Variants in STK10 observed in about 807,000 individuals in gnomAD.
STK10 encodes the protein serine/threonine kinase 10.
A neutral mutation model predicts 113.8 loss-of-function variants in STK10; 78 were observed. The observed-to-expected ratio is 0.69, with a 90% CI of 0.57 to 0.83. The LOEUF is 0.83. Among genes scored for constraint, STK10 ranks in the 40% least tolerant of loss-of-function variants. The pLI, the probability that STK10 is intolerant of heterozygous loss-of-function variation, is 0.00. For synonymous variants in STK10, 465 were observed against 494.7 expected (o/e 0.94, Z 0.80); for missense variants, 1,109 against 1,280.1 (o/e 0.87, Z 2.04).
chr5:172,091,679 C>T (rs1172695430), intron 9 of STK10, among the ~76,000 whole-genome samples: 1 of 152,044 alleles, frequency 6.6e-6, no homozygotes, highest in Admixed American at 6.5e-5. Flanking sequence ...TACAGGCATG[C>T]GCCACCACGC....
At chr5:172,098,171 C>T (rs541412158) in intron 7 of STK10, among the ~76,000 whole-genome samples, 1 of 152,280 alleles carries the variant, frequency 6.6e-6, no homozygotes, top group South Asian at 2.1e-4. Flanking sequence ...ATTTCTAGCA[C>T]CTGGAAAACA....
At chr5:172,095,153 T>C (rs1434931893) in intron 8 of STK10, among the ~76,000 whole-genome samples, 1 of 152,244 alleles carries the variant, frequency 6.6e-6, no homozygotes, top group Non-Finnish European at 1.5e-5. Flanking sequence ...AATGGATTTA[T>C]ACTATAAGTA....
At chr5:172,178,688 G>A (rs143311168) in intron 1 of STK10, among the ~76,000 whole-genome samples, 127 of 152,330 alleles carry the variant, frequency 8.3e-4, no homozygotes, top group African/African-American at 2.8e-3. Flanking sequence ...TGGCACAGCC[G>A]GGATGCAAAC....
At chr5:172,182,734 C>A (rs9313583) in intron 1 of STK10, among the ~76,000 whole-genome samples, 38,746 of 151,354 alleles carry the variant, frequency 0.26, 7,211 homozygotes, top group African/African-American at 0.53. Context: ...TTGTATTTTC[C>A]GTAGAGACGG....
At chr5:172,109,521 T>G (rs994264768) in intron 4 of STK10, among the ~76,000 whole-genome samples, 3 of 152,020 alleles carry the variant, frequency 2.0e-5, no homozygotes, top group Non-Finnish European at 4.4e-5. Flanking sequence ...TTGCCCAGGC[T>G]GGTCTTGAAC....
At chr5:172,064,623 G>A in intron 13 of STK10, 97 bp downstream of exon 13, 2 of 1,285,062 alleles carry the variant, frequency 1.6e-6, no homozygotes, top group Non-Finnish European at 2.3e-6. Context: ...CGGGGTATTT[G>A]AGGGGCAGGG....
chr5:172,137,420 T>C (rs1372571296), intron 2 of STK10, among the ~76,000 whole-genome samples: 1 of 152,036 alleles, frequency 6.6e-6, no homozygotes. Flanking sequence ...TCTATCAATG[T>C]AATATACCAC....
intron 1 of STK10, among the ~76,000 whole-genome samples, chr5:172,165,580 T>A (rs1169302256): frequency 1.3e-5 from 2 of 152,044 alleles, no homozygotes; most frequent in Non-Finnish European, 2.9e-5. Context: ...GGACACTGCC[T>A]CTCCCTCGCT....
intron 7 of STK10, among the ~76,000 whole-genome samples, chr5:172,096,999 T>C (rs901288701): frequency 3.3e-5 from 5 of 152,266 alleles, no homozygotes; most frequent in South Asian, 2.1e-4. Flanking sequence ...TACATTTTGT[T>C]GAGGAATAAC....
At chr5:172,155,704 AATG>A (rs1431411285) in intron 2 of STK10, among the ~76,000 whole-genome samples, 65 of 152,224 alleles carry the variant, frequency 4.3e-4, no homozygotes, top group African/African-American at 1.5e-3. Flanking sequence ...AAAAAAAAAA[AATG>A]AAGAGGACTG....
chr5:172,057,306 G>A (rs541087850), intron 15 of STK10, 43 bp downstream of exon 15: 29 of 1,565,756 alleles, frequency 1.9e-5, no homozygotes, highest in African/African-American at 8.1e-5. Flanking sequence ...CTCCCAGGTC[G>A]GCCCGGCAGC....
intron 15 of STK10, 93 bp downstream of exon 15, chr5:172,057,256 T>G: frequency 6.6e-7 from 1 of 1,510,102 alleles, no homozygotes; most frequent in Non-Finnish European, 8.9e-7. Context: ...ATCCAAAGTG[T>G]GCACCCAAGA....
chr5:172,124,445 T>TAA (rs764497966), intron 3 of STK10, among the ~76,000 whole-genome samples: 6 of 152,170 alleles, frequency 3.9e-5, no homozygotes, highest in Non-Finnish European at 7.3e-5. Context: ...CCCCAAATGA[T>TAA]AATCTTCAAA....
rs766656743 is a variant in STK10 at position 172,054,723 on chromosome 5, G to C, written c.2527-29C>G. 3.1e-6 allele frequency: 5 copies of C among 1,604,960 alleles called. No homozygotes were observed. The African/African-American group carries it at 4.0e-5, about 13-fold the overall frequency. ...CACCAGAGAGAGGGTGGGTGCCTCA[G>C]GGGACCAGGGCCTGGCTGGTTGGGT... is the stretch of plus-strand genomic sequence containing the variant. On this transcript the variant is annotated intron_variant, in intron 16 of 18. Coordinates refer to ENST00000176763, the MANE Select transcript of STK10 (RefSeq NM_005990.4).
chr5:172,141,579 T>C lies in STK10; in HGVS notation c.322-14158A>G, dbSNP rs570879000. Reference sequence around the variant, plus strand: ...GCCTGTGTGTCAGAGCCAGACCCTGTCTCAAAAAAAAAAAAAAAAATTTAA... The same window carrying C: ...GCCTGTGTGTCAGAGCCAGACCCTGCCTCAAAAAAAAAAAAAAAAATTTAA... On this transcript the variant is annotated intron_variant, in intron 2 of 18. Coordinates refer to ENST00000176763, the MANE Select transcript of STK10 (RefSeq NM_005990.4). Among the ~76,000 whole-genome samples, 8 of 137,856 alleles carry C rather than the reference T, an allele frequency of 5.8e-5. No homozygotes were observed. In the South Asian group the frequency reaches 1.8e-3, roughly 31 times the overall value. The allele number at this position is 137,856 out of a possible 152,430, so 90.4% of individuals were successfully genotyped here. A position where few individuals can be genotyped will look rare whatever the true frequency, so the allele number is the denominator to read the frequency against.
chr5:172,096,263 A>G (rs1768851787), intron 8 of STK10, among the ~76,000 whole-genome samples, 163 bp downstream of exon 8: 1 of 152,190 alleles, frequency 6.6e-6, no homozygotes, highest in African/African-American at 2.4e-5. Flanking sequence ...CCCGGCCCAC[A>G]TGCCATCTTA....
chr5:172,137,746 A>T (rs2113797973), intron 2 of STK10, among the ~76,000 whole-genome samples: 1 of 143,780 alleles, frequency 7.0e-6, no homozygotes, highest in Middle Eastern at 3.4e-3. Context: ...AAAAAAAATT[A>T]GCCGGGCGTG....
intron 2 of STK10, among the ~76,000 whole-genome samples, chr5:172,147,865 C>A (rs1246676922): frequency 6.6e-6 from 1 of 152,184 alleles, no homozygotes; most frequent in Non-Finnish European, 1.5e-5. Context: ...GCCTAACTCA[C>A]CCAACATGAT....
At chr5:172,084,688 G>A (rs1444521832) in intron 10 of STK10, among the ~76,000 whole-genome samples, 8 of 150,108 alleles carry the variant, frequency 5.3e-5, no homozygotes, top group Admixed American at 3.3e-4. Context: ...TTTTAATTTC[G>A]AACCATGGAC....
Sources: gnomAD v4.1 joint callset for allele counts (sites outside exome capture counted in the v4.1 genomes callset) on GRCh38, gnomAD v4.1.1 for gene constraint, MANE v1.5 for transcripts, NCBI Gene and HGNC (gene_info 2026-07-23, HGNC 2026-07-21) for gene names.